SPTBN5: variants seen among roughly 807,000 people sequenced by gnomAD.
The protein encoded by SPTBN5 is spectrin beta, non-erythrocytic 5, also known as spectrin beta chain, non-erythrocytic 5.
In SPTBN5, 513 loss-of-function variants were observed where a neutral mutation model predicts 477.6. That is an observed-to-expected ratio of 1.07 (90% CI 1.00 to 1.16). The LOEUF is 1.16. Ranked by LOEUF, SPTBN5 falls within the 50% of genes most tolerant of loss-of-function variation. The probability of loss-of-function intolerance (pLI) is 0.00; values close to 1 mark genes in which losing one functional copy is unlikely to be tolerated. For synonymous variants in SPTBN5, 2,169 were observed against 2,011.7 expected, an observed-to-expected ratio of 1.08 and a Z score of -2.09; for missense variants, 5,062 against 4,731.8, an observed-to-expected ratio of 1.07 and a Z score of -2.05.
intron 13 of SPTBN5, among the ~76,000 whole-genome samples, chr15:41,880,550 T>G (rs943270080): frequency 6.6e-6 from 1 of 152,232 alleles, no homozygotes; most frequent in African/African-American, 2.4e-5. Flanking sequence ...AGTGTGCTCC[T>G]GTCTGGTCTT....
At position 41,881,849 on chromosome 15, in the gene SPTBN5, C is replaced by G. The variant is rs1023004647; in HGVS notation, c.2457+87G>C. 6.8e-6 allele frequency: 9 copies of G among 1,319,434 alleles called. No individual in the cohort carries two copies. The Admixed American group carries it at 2.5e-4, about 37-fold the overall frequency. The allele number at this position is 1,319,434 out of a possible 1,614,324, so 81.7% of individuals were successfully genotyped here. On this transcript the variant is annotated intron_variant, in intron 12 of 67. Coordinates refer to ENST00000320955, the MANE Select transcript of SPTBN5 (RefSeq NM_016642.4). ...GCCACGAATCCTGGGCCAGAGGCCA[C>G]AAAGGCCCTCCCATTTTTGTCCTCT...
chr15:41,880,116 C>T, intron 14 of SPTBN5, 44 bp downstream of exon 14: 2 of 1,538,510 alleles, frequency 1.3e-6, no homozygotes, highest in Non-Finnish European at 1.7e-6. Context: ...CACAGGGAGG[C>T]AGGGGCAAGG....
At chr15:41,871,755 C>G (rs373605518) in intron 28 of SPTBN5, 27 bp downstream of exon 28, 386 of 1,519,794 alleles carry the variant, frequency 2.5e-4, no homozygotes, top group Non-Finnish European at 3.2e-4. Flanking sequence ...CTCAGGGCAC[C>G]CTCCTTGACC....
At chr15:41,884,587 C>T (rs967403929) in intron 7 of SPTBN5, among the ~76,000 whole-genome samples, 3 of 152,196 alleles carry the variant, frequency 2.0e-5, no homozygotes, top group Non-Finnish European at 4.4e-5. Context: ...TCTGCCTTTG[C>T]CCCTTGGATC....
chr15:41,893,234 TG>T (rs1319869254), intron 2 of SPTBN5, 47 bp downstream of exon 2: 2 of 1,611,270 alleles, frequency 1.2e-6, no homozygotes, highest in Non-Finnish European at 1.7e-6. Flanking sequence ...TGGCCAGAGC[TG>T]GGGGCCTGGT....
intron 66 of SPTBN5, 27 bp downstream of exon 66, chr15:41,850,824 CCCT>C: frequency 6.4e-7 from 1 of 1,556,802 alleles, no homozygotes; most frequent in South Asian, 1.2e-5. Context: ...GAGTCGGCCG[CCCT>C]CCCCGCATCC....
intron 34 of SPTBN5, 78 bp downstream of exon 34, chr15:41,867,991 G>A (rs2066390141): frequency 1.4e-6 from 2 of 1,478,198 alleles, no homozygotes; most frequent in Middle Eastern, 2.5e-4. Flanking sequence ...GAGGCAGGAG[G>A]AAAGGGACTG....
chr15:41,863,583 A>C, intron 41 of SPTBN5, 121 bp downstream of exon 41: 1 of 752,814 alleles, frequency 1.3e-6, no homozygotes, highest in East Asian at 2.6e-5. Context: ...CCCACCTCCA[A>C]GTACCCAGCT....
In SPTBN5 at chr15:41,885,973, C is replaced by T; in HGVS notation, c.1282G>A (p.Ala428Thr). The T allele has an allele frequency of 6.5e-7, 1 of 1,550,358 alleles. No homozygotes were observed. The highest frequency in any genetic ancestry group is 8.7e-7 in the Non-Finnish European group (1 of 1,149,098). Residue 428 changes from alanine (A) to threonine (T), a missense_variant, in exon 7 of 68, where the codon GCC (alanine) becomes ACC (threonine). Transcript: ENST00000320955. ...LLQLQRLETL[A>T]RRFQHKAALR... ...GCTGCCTTGTGCTGGAAGCGCCGGG[C>T]CAGGGTTTCTAGCCGCTGCAGCTGC... is the stretch of plus-strand genomic sequence containing the variant.
At position 41,887,423 on chromosome 15, in the gene SPTBN5, G is replaced by C. The variant is rs768818543; in HGVS notation, c.678C>G (p.Tyr226Ter). 6.4e-7 allele frequency: 1 copy of C among 1,552,990 alleles called. No homozygotes were observed. The highest frequency in any genetic ancestry group is 1.2e-5 in the South Asian group (1 of 84,122). Residue 226 changes from tyrosine to a stop codon, truncating the protein, a stop_gained, in exon 6 of 68, where the codon TAC becomes TAG. Coordinates refer to ENST00000320955, the MANE Select transcript of SPTBN5 (RefSeq NM_016642.4). LOFTEE classifies it high-confidence loss of function. ...GTGGGCGGTCTGGACGCAGGGAGCCGTAGTCCAACAGGTCTGGCCTGGACA... is the reference window on the plus strand; with the variant it reads ...GTGGGCGGTCTGGACGCAGGGAGCCCTAGTCCAACAGGTCTGGCCTGGACA... The part of the protein sequence containing the change: ...IHAHRPDLLD[Y>*]GSLRPDRPLH...
At chr15:41,854,019 A>G in intron 57 of SPTBN5, 31 bp downstream of exon 57, 1 of 1,536,360 alleles carries the variant, frequency 6.5e-7, no homozygotes, top group Non-Finnish European at 8.7e-7. Flanking sequence ...GCAGGGGCTC[A>G]GACAGGCAGG....
At chr15:41,853,218 A>AT in intron 59 of SPTBN5, 40 bp downstream of exon 59, 2 of 1,552,460 alleles carry the variant, frequency 1.3e-6, no homozygotes, top group South Asian at 2.4e-5. Flanking sequence ...ATCAGGCTGT[A>AT]TCCCCAGCCC....
rs924513908 is a variant in SPTBN5, at chr15:41,886,330, T to G, written c.925A>C (p.Thr309Pro). ...TCAGCCACCAGCTGCTCGTACTGGG[T>G]CTGCAGCAGCTCTGTCTCCTGGAGC... ...LQLQETELLQ[T>P]QYEQLVADLL... The change falls in exon 7 of 68, where the codon ACC (threonine) becomes CCC (proline). Residue 309 changes from threonine (T) to proline (P), a missense_variant. By Grantham distance (38) the Thr-to-Pro change is conservative (BLOSUM62 -1). Coordinates refer to ENST00000320955, the MANE Select transcript of SPTBN5 (RefSeq NM_016642.4). 5 of 1,611,022 alleles carry G rather than the reference T, an allele frequency of 3.1e-6. No homozygotes were observed. The highest frequency in any genetic ancestry group is 4.2e-6 in the Non-Finnish European group (5 of 1,178,614).
intron 53 of SPTBN5, 127 bp downstream of exon 53, chr15:41,856,259 G>A (rs933762378): frequency 5.8e-6 from 5 of 859,794 alleles, no homozygotes; most frequent in South Asian, 2.0e-5. Flanking sequence ...GAAGCCCTTG[G>A]GGGCAGGAGA....
chr15:41,877,484 A>G, intron 17 of SPTBN5, 128 bp from the exon 18 acceptor site: 1 of 1,360,308 alleles, frequency 7.4e-7, no homozygotes, highest in South Asian at 1.4e-5. Flanking sequence ...GGCCCAGCAG[A>G]GTGCTTAGGG....
intron 9 of SPTBN5, 76 bp downstream of exon 9, chr15:41,882,920 C>G: frequency 7.0e-7 from 1 of 1,434,424 alleles, no homozygotes; most frequent in Non-Finnish European, 9.4e-7. Context: ...GCCAACAGTA[C>G]TTTAACCTGG....
chr15:41,854,577 C>T (rs906722177), intron 56 of SPTBN5, among the ~76,000 whole-genome samples: 1 of 151,742 alleles, frequency 6.6e-6, no homozygotes, highest in East Asian at 2.0e-4. Flanking sequence ...GGAGGCAGCC[C>T]CAGCCCAGGA....
rs1007365802 is a variant in SPTBN5, at chr15:41,879,733, C to G, written c.2942+1G>C. 1 of 1,613,504 alleles carries G rather than the reference C, an allele frequency of 6.2e-7. No homozygotes were observed. The highest frequency in any genetic ancestry group is 1.3e-5 in the African/African-American group (1 of 74,934). On this transcript the variant is annotated splice_donor_variant, in intron 15 of 67. Coordinates refer to ENST00000320955, the MANE Select transcript of SPTBN5 (RefSeq NM_016642.4). LOFTEE classifies it high-confidence loss of function. ...CACCTGCACTCCTGCCTCATTCTCA[C>G]CTCTGGCTCAGTTCCTCCTGCTGTC...
intron 44 of SPTBN5, 103 bp downstream of exon 44, chr15:41,862,027 A>C: frequency 6.6e-7 from 1 of 1,511,808 alleles, no homozygotes; most frequent in Non-Finnish European, 8.8e-7. Flanking sequence ...GGAGATAGGC[A>C]GGGCGGGACA....
Sources: allele counts gnomAD v4.1 joint callset (sites outside exome capture counted in the v4.1 genomes callset), GRCh38; gene constraint gnomAD v4.1.1; transcripts MANE v1.5; gene names NCBI Gene and HGNC (gene_info 2026-07-23, HGNC 2026-07-21).